The following NTNG1 variants were observed in gnomAD, a reference collection of about 807,000 sequenced individuals.
The protein encoded by NTNG1 is netrin-G1.
Under a neutral mutation model 54.0 loss-of-function variants are expected in NTNG1, and 16 were observed. The ratio of observed to expected loss-of-function variants is 0.30; its 90% CI spans 0.20 to 0.45. NTNG1 has a LOEUF of 0.45. Ranked by LOEUF, NTNG1 falls within the 20% of genes least tolerant of loss-of-function variation. The pLI, the probability that NTNG1 is intolerant of heterozygous loss-of-function variation, is 1.00. For synonymous variants in NTNG1, 255 were observed against 263.1 expected (o/e 0.97, Z 0.30); for missense variants, 530 against 678.7 (o/e 0.78, Z 2.43).
At chr1:107,376,392 AGT>A in intron 3 of NTNG1, among the ~76,000 whole-genome samples, 1 of 149,598 alleles carries the variant, frequency 6.7e-6, no homozygotes, top group African/African-American at 2.5e-5. Flanking sequence ...TGGGTGACAG[AGT>A]GAGACTCCGT....
chr1:107,141,383 C>T (rs1428258271), intron 1 of NTNG1: 8 of 149,904 alleles, frequency 5.3e-5, no homozygotes, highest in Admixed American at 1.3e-4. Context: ...CGAGGCGGAC[C>T]AGGCTGGCTG....
chr1:107,386,921 A>G (rs7544259), intron 3 of NTNG1, among the ~76,000 whole-genome samples: 17,237 of 152,208 alleles, frequency 0.11, 1,196 homozygotes, highest in Non-Finnish European at 0.16. Flanking sequence ...GTTATCATCC[A>G]TCTTTGTTTT....
intron 7 of NTNG1, among the ~76,000 whole-genome samples, chr1:107,451,992 G>T (rs1367545078): frequency 1.3e-5 from 2 of 152,080 alleles, no homozygotes; most frequent in Admixed American, 1.3e-4. Flanking sequence ...TTATGTAGTG[G>T]TTTGAATCCT....
chr1:107,414,444 T>G (rs1034313333), intron 5 of NTNG1, among the ~76,000 whole-genome samples: 1 of 152,146 alleles, frequency 6.6e-6, no homozygotes, highest in Non-Finnish European at 1.5e-5. Flanking sequence ...CATTTTCAGA[T>G]TAAAGGTTAG....
chr1:107,414,070 C>T (rs979188988), intron 5 of NTNG1, among the ~76,000 whole-genome samples: 1 of 152,148 alleles, frequency 6.6e-6, no homozygotes, highest in African/African-American at 2.4e-5. Flanking sequence ...GCAACTCTAC[C>T]TCTAAAGCTT....
At position 107,480,987 on chromosome 1, in the gene NTNG1, A is replaced by G. The variant is rs1678677814; in HGVS notation, c.*147A>G. 1 of 623,698 alleles carries G rather than the reference A, an allele frequency of 1.6e-6. No homozygotes were observed. Among genetic ancestry groups the G allele is most frequent in the African/African-American group, 1.8e-5 (1 of 54,742 alleles). 38.6% of individuals were successfully genotyped at this position (623,698 alleles called of 1,614,324 possible). A position where few individuals can be genotyped will look rare whatever the true frequency, so the allele number is the denominator to read the frequency against. ...TAAGAAGGCCTAACTGAACTAAGCCATATTTATCACCCGTGGACAGCACAT... is the reference window on the plus strand; with the variant it reads ...TAAGAAGGCCTAACTGAACTAAGCCGTATTTATCACCCGTGGACAGCACAT... On this transcript the variant is annotated 3_prime_UTR_variant, in exon 8 of 8. Transcript: ENST00000370068.
chr1:107,271,113 A>T (rs1333264983), intron 2 of NTNG1, among the ~76,000 whole-genome samples: 1 of 152,178 alleles, frequency 6.6e-6, no homozygotes, highest in South Asian at 2.1e-4. Context: ...AGTTACAATA[A>T]CTTTGTCTAT....
rs1557900808 is a variant in NTNG1 at position 107,324,916 on chromosome 1, G to A, written c.881G>A (p.Arg294Gln). 4 of 1,606,572 alleles carry A rather than the reference G, an allele frequency of 2.5e-6. No individual in the cohort carries two copies. Among genetic ancestry groups the A allele is most frequent in the East Asian group, 2.2e-5 (1 of 44,756 alleles). ...TACGCGATCTCAGACATAAAGGTGC[G>A]AGGAAGGTAAGAGAAAATCTGTCTG... The part of the protein sequence containing the change: ...YFYAISDIKV[R>Q]GRCKCNLHAT... Residue 294 changes from arginine to glutamine, a missense_variant, in exon 3 of 8, where the codon CGA becomes CAA. Coordinates refer to ENST00000370068, the MANE Select transcript of NTNG1 (RefSeq NM_001113226.3).
chr1:107,314,869 C>A (rs915942785), intron 2 of NTNG1, among the ~76,000 whole-genome samples: 2 of 152,162 alleles, frequency 1.3e-5, no homozygotes, highest in African/African-American at 4.8e-5. Context: ...ATTTGTACTT[C>A]GATTGCGTTA....
chr1:107,365,372 T>C (rs1670532237), intron 3 of NTNG1, among the ~76,000 whole-genome samples: 2 of 152,190 alleles, frequency 1.3e-5, no homozygotes, highest in African/African-American at 4.8e-5. Context: ...ACCAATGTGG[T>C]GAATGATTTA....
At chr1:107,401,085 C>A (rs770565748) in intron 4 of NTNG1, among the ~76,000 whole-genome samples, 4 of 152,202 alleles carry the variant, frequency 2.6e-5, no homozygotes, top group Non-Finnish European at 4.4e-5. Context: ...AGCTCCAACA[C>A]AAGAGCCTTC....
intron 2 of NTNG1, among the ~76,000 whole-genome samples, chr1:107,163,071 G>A (rs1287942826): frequency 2.6e-5 from 4 of 152,138 alleles, no homozygotes; most frequent in Non-Finnish European, 5.9e-5. Context: ...TTTGTTCAGG[G>A]GGAATTGGAG....
chr1:107,164,871 T>TC (rs1655660092), intron 2 of NTNG1, among the ~76,000 whole-genome samples: 1 of 152,184 alleles, frequency 6.6e-6, no homozygotes, highest in African/African-American at 2.4e-5. Flanking sequence ...TGCGACTGAA[T>TC]AATGGCGAGA....
chr1:107,176,401 G>T (rs1656653013), intron 2 of NTNG1, among the ~76,000 whole-genome samples: 1 of 152,116 alleles, frequency 6.6e-6, no homozygotes, highest in African/African-American at 2.4e-5. Flanking sequence ...TGCTTTGGAG[G>T]AATAAGTTCG....
chr1:107,414,130 C>A (rs2101188795), intron 5 of NTNG1, among the ~76,000 whole-genome samples: 1 of 152,268 alleles, frequency 6.6e-6, no homozygotes, highest in East Asian at 1.9e-4. Flanking sequence ...GCTTGCTTTG[C>A]AGCTTGACTC....
chr1:107,415,039 G>A (rs112715689), intron 5 of NTNG1, among the ~76,000 whole-genome samples: 1 of 152,112 alleles, frequency 6.6e-6, no homozygotes, highest in Non-Finnish European at 1.5e-5. Context: ...GGAGGCAGTT[G>A]TGGAATAAAT....
chr1:107,459,444 C>A (rs567306043), intron 7 of NTNG1, among the ~76,000 whole-genome samples: 209 of 151,944 alleles, frequency 1.4e-3, no homozygotes, highest in African/African-American at 4.9e-3. Flanking sequence ...AATACCCTTG[C>A]CAGTATACAG....
At chr1:107,479,768 C>T (rs1678572884) in intron 7 of NTNG1, among the ~76,000 whole-genome samples, 1 of 152,152 alleles carries the variant, frequency 6.6e-6, no homozygotes. Context: ...GTGAAAGTTA[C>T]ATGACAGGGT....
chr1:107,442,888 A>G (rs1296186417), intron 7 of NTNG1, among the ~76,000 whole-genome samples: 2 of 152,126 alleles, frequency 1.3e-5, no homozygotes, highest in East Asian at 1.9e-4. Flanking sequence ...GGAAGATAGA[A>G]CAGGGACCAT....
Sources: allele counts gnomAD v4.1 joint callset (sites outside exome capture counted in the v4.1 genomes callset), GRCh38; gene constraint gnomAD v4.1.1; transcripts MANE v1.5; gene names NCBI Gene and HGNC (gene_info 2026-07-23, HGNC 2026-07-21).